The following STX8 variants were observed in gnomAD, a reference collection of about 807,000 sequenced individuals.
STX8 encodes the protein syntaxin-8.
In STX8, 23 loss-of-function variants were observed where a neutral mutation model predicts 37.5. The observed-to-expected ratio is 0.61, with a 90% CI of 0.44 to 0.87. The LOEUF is 0.87. Among genes scored for constraint, STX8 ranks in the 40% least tolerant of loss-of-function variants. The pLI, the probability that STX8 is intolerant of heterozygous loss-of-function variation, is 0.00. For synonymous variants in STX8, 115 were observed against 99.1 expected, an observed-to-expected ratio of 1.16 and a Z score of -0.95; for missense variants, 313 against 284.7, an observed-to-expected ratio of 1.10 and a Z score of -0.71.
chr17:9,293,465 A>T lies in STX8; in HGVS notation c.644-42820T>A, dbSNP rs537097900. On this transcript the variant is annotated intron_variant, in intron 7 of 7. Transcript: ENST00000306357. ...GACCTCACAGAAGATGTGGAATTTT[A>T]GAGACTTTTTTTTTTTTTAATGAGA... Among the ~76,000 whole-genome samples the T allele has an allele frequency of 1.7e-3, 244 of 146,970 alleles. 1 individual carries two copies. The highest frequency in any genetic ancestry group is 5.5e-3 in the African/African-American group (224 of 40,590).
intron 6 of STX8, 47 bp downstream of exon 6, chr17:9,491,782 G>A: frequency 1.3e-6 from 2 of 1,484,320 alleles, no homozygotes; most frequent in Non-Finnish European, 1.9e-6. Context: ...CAAGCCTTTA[G>A]TATTTATGTC....
chr17:9,546,482 G>GCGCATGGGCA (rs72114770), intron 3 of STX8, among the ~76,000 whole-genome samples: 3 of 28 alleles, frequency 0.11, no homozygotes, highest in South Asian at 0.5. Flanking sequence ...TGCGGCGCGT[G>GCGCATGGGCA]CGCATGAAGC....
chr17:9,453,580 C>T (rs1208662189), intron 6 of STX8, among the ~76,000 whole-genome samples: 3 of 148,542 alleles, frequency 2.0e-5, no homozygotes, highest in African/African-American at 7.5e-5. Context: ...GCAACCTCTG[C>T]CTCCCGGGTT....
intron 6 of STX8, among the ~76,000 whole-genome samples, chr17:9,491,470 A>C (rs1216944300): frequency 6.6e-6 from 1 of 152,186 alleles, no homozygotes; most frequent in Non-Finnish European, 1.5e-5. Context: ...GAAGAAGAGC[A>C]AACTCCACCG....
At chr17:9,364,168 T>C (rs1202424977) in intron 7 of STX8, among the ~76,000 whole-genome samples, 2 of 151,952 alleles carry the variant, frequency 1.3e-5, no homozygotes, top group African/African-American at 4.8e-5. Flanking sequence ...CAGGATAGAG[T>C]GAATCTTTCA....
chr17:9,299,726 GCCAC>G lies in STX8; in HGVS notation c.644-49085_644-49082del, dbSNP rs541919854. Among the ~76,000 whole-genome samples, 30 of 152,254 alleles carry G rather than the reference GCCAC, an allele frequency of 2.0e-4. No individual in the cohort carries two copies. In the South Asian group the frequency reaches 5.8e-3, roughly 29 times the overall value. ...CAAAGTGCAGGGATTACAGGTGTGA[GCCAC>G]CGTGCTCGGGCCATTCTTACATTAT... On this transcript the variant is annotated intron_variant, in intron 7 of 7. Coordinates refer to ENST00000306357, the MANE Select transcript of STX8 (RefSeq NM_004853.3).
chr17:9,477,513 G>A (rs922091343), intron 6 of STX8, among the ~76,000 whole-genome samples: 1 of 152,130 alleles, frequency 6.6e-6, no homozygotes. Flanking sequence ...AAGCAATCAT[G>A]AACATTAAAA....
chr17:9,384,153 C>T (rs1185260824), intron 6 of STX8, among the ~76,000 whole-genome samples: 1 of 149,796 alleles, frequency 6.7e-6, no homozygotes, highest in African/African-American at 2.5e-5. Context: ...ATATTGGTTG[C>T]TCATTTATAA....
chr17:9,427,146 G>A (rs1218641379), intron 6 of STX8, among the ~76,000 whole-genome samples: 2 of 152,096 alleles, frequency 1.3e-5, no homozygotes, highest in African/African-American at 2.4e-5. Flanking sequence ...AAGTGTATTC[G>A]TGGCTTAGTT....
chr17:9,434,316 C>A (rs1000730253), intron 6 of STX8, among the ~76,000 whole-genome samples: 1 of 152,178 alleles, frequency 6.6e-6, no homozygotes, highest in Admixed American at 6.5e-5. Flanking sequence ...ATGTCAGGAT[C>A]TTAAAGTTGC....
chr17:9,400,400 T>C (rs900092039), intron 6 of STX8, among the ~76,000 whole-genome samples: 2 of 132,792 alleles, frequency 1.5e-5, no homozygotes, highest in Non-Finnish European at 3.3e-5. Context: ...GCACCAGGCT[T>C]ATTTATTTAT....
rs552820578 is a variant in STX8 at position 9,546,941 on chromosome 17, G to A, written c.213-1659C>T. On this transcript the variant is annotated intron_variant, in intron 3 of 7. Transcript: ENST00000306357. ...TTTTTAGGCTGAACTGTGTCTATGT[G>A]TGTGGTATGTTAAGAAACACAGAAG... is the stretch of plus-strand genomic sequence containing the variant. Among the ~76,000 whole-genome samples the A allele has an allele frequency of 8.6e-5, 13 of 151,274 alleles. No homozygotes were observed. The South Asian group carries it at 2.5e-3, about 29-fold the overall frequency.
intron 6 of STX8, chr17:9,467,330 C>G (rs1466141429): frequency 6.6e-6 from 1 of 152,194 alleles, no homozygotes; most frequent in African/African-American, 2.4e-5. Context: ...CCAGAGCTCT[C>G]TGTCTTAATC....
chr17:9,496,550 T>C (rs1904414240), intron 5 of STX8, among the ~76,000 whole-genome samples: 1 of 152,230 alleles, frequency 6.6e-6, no homozygotes, highest in Non-Finnish European at 1.5e-5. Flanking sequence ...AATGGATGGA[T>C]CATTGTTACA....
intron 7 of STX8, among the ~76,000 whole-genome samples, chr17:9,374,149 G>A (rs979061108): frequency 4.0e-5 from 6 of 149,846 alleles, no homozygotes; most frequent in Non-Finnish European, 5.9e-5. Context: ...CGGCACGATC[G>A]CGGCTCACTG....
chr17:9,335,706 T>A (rs909884229), intron 7 of STX8, among the ~76,000 whole-genome samples: 134 of 152,128 alleles, frequency 8.8e-4, no homozygotes, highest in Non-Finnish European at 1.7e-3. Flanking sequence ...CAATAAGTTT[T>A]TTTAAAAAAG....
chr17:9,441,257 C>T (rs865848551), intron 6 of STX8, among the ~76,000 whole-genome samples: 4 of 151,886 alleles, frequency 2.6e-5, no homozygotes, highest in African/African-American at 4.8e-5. Context: ...TTTGGGAGGC[C>T]AAGGCGGGCG....
At chr17:9,499,354 G>A (rs1331098461) in intron 5 of STX8, among the ~76,000 whole-genome samples, 5 of 152,026 alleles carry the variant, frequency 3.3e-5, no homozygotes, top group African/African-American at 1.2e-4. Context: ...TCCATTTTTT[G>A]TATTTGTCCT....
chr17:9,338,214 C>T (rs1022601514), intron 7 of STX8, among the ~76,000 whole-genome samples: 63 of 152,000 alleles, frequency 4.1e-4, no homozygotes, highest in Non-Finnish European at 4.4e-5. Flanking sequence ...CCACCACGCC[C>T]GGCTAACTTG....
Sources: gnomAD v4.1 joint callset for allele counts (sites outside exome capture counted in the v4.1 genomes callset) on GRCh38, gnomAD v4.1.1 for gene constraint, MANE v1.5 for transcripts, NCBI Gene and HGNC (gene_info 2026-07-23, HGNC 2026-07-21) for gene names.